Variants in CCDC102B observed in about 807,000 individuals in gnomAD.
CCDC102B encodes coiled-coil domain containing 102B.
Under a neutral mutation model 57.4 loss-of-function variants are expected in CCDC102B, and 75 were observed. The ratio of observed to expected loss-of-function variants is 1.31; its 90% CI spans 1.08 to 1.58. The LOEUF is 1.58. Among genes scored for constraint, CCDC102B ranks in the 40% most tolerant of loss-of-function variants. The pLI is 0.00. For missense variants in CCDC102B, 636 were observed against 582.6 expected (o/e 1.09, Z -0.94); for synonymous variants, 206 against 201.9 (o/e 1.02, Z -0.17).
At chr18:68,924,005 A>C (rs2041383978) in intron 6 of CCDC102B, among the ~76,000 whole-genome samples, 1 of 152,024 alleles carries the variant, frequency 6.6e-6, no homozygotes, top group South Asian at 2.1e-4. Context: ...TGTAAGTAGC[A>C]TCATTAGCAA....
At chr18:68,850,322 A>G (rs1187010426) in intron 4 of CCDC102B, among the ~76,000 whole-genome samples, 2 of 152,046 alleles carry the variant, frequency 1.3e-5, no homozygotes, top group Non-Finnish European at 2.9e-5. Context: ...AATCTCTCAT[A>G]TTGAGAGTTT....
chr18:68,997,020 C>T (rs1379016732), intron 6 of CCDC102B, among the ~76,000 whole-genome samples: 2 of 152,094 alleles, frequency 1.3e-5, no homozygotes, highest in Non-Finnish European at 2.9e-5. Flanking sequence ...AGTGAGTTGT[C>T]ACCAGGTCTG....
chr18:68,848,517 G>C (rs990467815), intron 4 of CCDC102B, among the ~76,000 whole-genome samples: 1 of 151,968 alleles, frequency 6.6e-6, no homozygotes, highest in Non-Finnish European at 1.5e-5. Flanking sequence ...CTTTTAGAGG[G>C]AAATCATTCT....
At chr18:68,850,842 C>G (rs2038090030) in intron 4 of CCDC102B, among the ~76,000 whole-genome samples, 1 of 152,066 alleles carries the variant, frequency 6.6e-6, no homozygotes, top group South Asian at 2.1e-4. Flanking sequence ...CCTCAGACCT[C>G]TTTCCCCTCC....
At chr18:69,050,984 A>C (rs1379662713) in intron 7 of CCDC102B, among the ~76,000 whole-genome samples, 1 of 152,120 alleles carries the variant, frequency 6.6e-6, no homozygotes, top group Non-Finnish European at 1.5e-5. Flanking sequence ...TCCTGGGCCC[A>C]AGCCATCTTC....
intron 7 of CCDC102B, 31 bp from the exon 8 acceptor site, chr18:69,053,999 C>G (rs757730144): frequency 6.4e-7 from 1 of 1,574,764 alleles, no homozygotes; most frequent in Non-Finnish European, 8.6e-7. Flanking sequence ...ACACTTGAAC[C>G]TAACTAAAGC....
chr18:69,057,112 C>G (rs1032591255), downstream of CCDC102B, among the ~76,000 whole-genome samples: 14 of 152,158 alleles, frequency 9.2e-5, no homozygotes, highest in South Asian at 2.9e-3. Flanking sequence ...ACAGCTTTTA[C>G]TTTCATGAAT....
At chr18:68,813,148 C>T (rs2036334351) in intron 1 of CCDC102B, among the ~76,000 whole-genome samples, 1 of 151,994 alleles carries the variant, frequency 6.6e-6, no homozygotes, top group Non-Finnish European at 1.5e-5. Flanking sequence ...CTCAAGTGAT[C>T]TGCTTGTTTG....
intron 2 of CCDC102B, among the ~76,000 whole-genome samples, chr18:68,774,430 T>G (rs2034743979): frequency 6.6e-6 from 1 of 152,078 alleles, no homozygotes; most frequent in South Asian, 2.1e-4. Context: ...TTTCTCCGTG[T>G]TGCAAATCCT....
chr18:68,734,117 A>G (rs1288977019), intron 2 of CCDC102B, among the ~76,000 whole-genome samples: 1 of 152,200 alleles, frequency 6.6e-6, no homozygotes, highest in African/African-American at 2.4e-5. Context: ...AACCCACACT[A>G]CTAAGAAGCT....
chr18:68,751,207 T>C (rs963433155), intron 2 of CCDC102B, among the ~76,000 whole-genome samples: 1 of 152,204 alleles, frequency 6.6e-6, no homozygotes, highest in Non-Finnish European at 1.5e-5. Context: ...TAGTTAATAC[T>C]GAACCATTGT....
At chr18:68,877,904 G>A (rs767364459) in intron 5 of CCDC102B, among the ~76,000 whole-genome samples, 4 of 152,128 alleles carry the variant, frequency 2.6e-5, no homozygotes, top group Non-Finnish European at 4.4e-5. Context: ...GCAATAGTGC[G>A]TGGCTCGTAA....
chr18:68,846,510 G>T, intron 4 of CCDC102B, 89 bp downstream of exon 4: 1 of 804,580 alleles, frequency 1.2e-6, no homozygotes, highest in Non-Finnish European at 1.9e-6. Flanking sequence ...AGGCACAACA[G>T]ATAAGAGGAA....
intron 6 of CCDC102B, among the ~76,000 whole-genome samples, chr18:68,925,653 A>G (rs1487818978): frequency 6.6e-6 from 1 of 151,960 alleles, no homozygotes; most frequent in Non-Finnish European, 1.5e-5. Flanking sequence ...AAGTTGTTTC[A>G]TTTTGTACTT....
chr18:68,738,797 C>T (rs1390468292), intron 2 of CCDC102B, among the ~76,000 whole-genome samples: 1 of 152,164 alleles, frequency 6.6e-6, no homozygotes, highest in Non-Finnish European at 1.5e-5. Flanking sequence ...CTCCATGCCT[C>T]CCACGCATCT....
intron 2 of CCDC102B, among the ~76,000 whole-genome samples, chr18:68,724,719 T>C (rs2032513741): frequency 6.6e-6 from 1 of 152,202 alleles, no homozygotes; most frequent in South Asian, 2.1e-4. Flanking sequence ...TTCCCACATC[T>C]TCCTGTCTTC....
At chr18:68,733,774 T>C (rs922404487) in intron 2 of CCDC102B, among the ~76,000 whole-genome samples, 1 of 152,088 alleles carries the variant, frequency 6.6e-6, no homozygotes, top group Non-Finnish European at 1.5e-5. Flanking sequence ...TTACACTTTA[T>C]TGCATGTTTG....
At chr18:68,875,818 T>G (rs2039421335) in intron 5 of CCDC102B, among the ~76,000 whole-genome samples, 1 of 152,118 alleles carries the variant, frequency 6.6e-6, no homozygotes, top group African/African-American at 2.4e-5. Flanking sequence ...GACAGAGTGC[T>G]CTAGTATTGG....
intron 1 of CCDC102B, among the ~76,000 whole-genome samples, chr18:68,825,349 G>A (rs2036866288): frequency 6.6e-6 from 1 of 152,056 alleles, no homozygotes; most frequent in Non-Finnish European, 1.5e-5. Flanking sequence ...ATAATACGTT[G>A]GCAGTTCCAT....
Sources: gnomAD v4.1 joint callset for allele counts (sites outside exome capture counted in the v4.1 genomes callset) on GRCh38, gnomAD v4.1.1 for gene constraint, MANE v1.5 for transcripts, NCBI Gene and HGNC (gene_info 2026-07-23, HGNC 2026-07-21) for gene names.